Variants in ASRGL1 observed in about 807,000 individuals in gnomAD.
The protein encoded by ASRGL1 is isoaspartyl peptidase/L-asparaginase.
Under a neutral mutation model 22.4 loss-of-function variants are expected in ASRGL1, and 16 were observed. The observed-to-expected ratio is 0.71, with a 90% CI of 0.48 to 1.08. The LOEUF (loss-of-function observed/expected upper bound fraction) is 1.08, where lower values mean the gene tolerates loss of function less well. ASRGL1 is among the 50% of genes least tolerant of loss of function. ASRGL1 has a pLI of 0.00. For missense variants in ASRGL1, 412 were observed against 410.1 expected (o/e 1.00, Z -0.04); for synonymous variants, 165 against 159.3 (o/e 1.04, Z -0.27).
intron 3 of ASRGL1, 29 bp downstream of exon 3, chr11:62,356,496 A>G (rs369206964): frequency 5.0e-6 from 8 of 1,610,550 alleles, no homozygotes; most frequent in African/African-American, 1.3e-5. Context: ...GCCTTTTCCT[A>G]ATGAATTGTT....
chr11:62,388,242 G>A (rs141187264), intron 4 of ASRGL1, among the ~76,000 whole-genome samples: 114 of 152,308 alleles, frequency 7.5e-4, no homozygotes, highest in East Asian at 7.3e-3. Context: ...AAACATCATA[G>A]GTGGCACATG....
intron 4 of ASRGL1, among the ~76,000 whole-genome samples, chr11:62,362,813 TACACACACACACACACAC>T (rs57501048): frequency 1.2e-5 from 1 of 83,876 alleles, no homozygotes; most frequent in Non-Finnish European, 2.2e-5. Flanking sequence ...TTATCTGACA[TACACACACACACACACAC>T]ACACACACAC....
At chr11:62,389,015 A>C (rs1947276768) in intron 4 of ASRGL1, 118 bp from the exon 5 acceptor site, 1 of 860,020 alleles carries the variant, frequency 1.2e-6, no homozygotes. Flanking sequence ...TGTTGGAATT[A>C]AATGGGTGCC....
the ASRGL1 span, among the ~76,000 whole-genome samples, chr11:62,399,109 A>G: frequency 6.6e-6 from 1 of 152,164 alleles, no homozygotes; most frequent in Non-Finnish European, 1.5e-5. Context: ...CCAGCTACTC[A>G]GGAGACTGAG....
At position 62,389,231 on chromosome 11, in the gene ASRGL1, T is replaced by C. The variant is rs768189188; in HGVS notation, c.590T>C (p.Val197Ala). The change falls in exon 5 of 7, where the codon GTT becomes GCT. Residue 197 changes from valine to alanine, a missense_variant. Val to Ala is a moderately conservative substitution (Grantham distance 64). Transcript: ENST00000415229. ...GGIVNKMVGR[V>A]GDSPCLGAGG... ...ATCGTTAATAAAATGGTCGGCCGCG[T>C]TGGGGACTCACCGTGTCTAGGTAGG... 9.9e-6 allele frequency: 16 copies of C among 1,613,966 alleles called. No individual in the cohort carries two copies. The highest frequency in any genetic ancestry group is 3.3e-4 in the Middle Eastern group (2 of 6,084).
At chr11:62,366,895 G>T (rs1158327874) in intron 4 of ASRGL1, among the ~76,000 whole-genome samples, 2 of 152,118 alleles carry the variant, frequency 1.3e-5, no homozygotes, top group Non-Finnish European at 2.9e-5. Context: ...CTTTTGCTAT[G>T]GTATTTTTGC....
chr11:62,359,420 T>C (rs1316633419), intron 4 of ASRGL1, among the ~76,000 whole-genome samples: 1 of 151,918 alleles, frequency 6.6e-6, no homozygotes, highest in African/African-American at 2.4e-5. Flanking sequence ...CACTCCAGCC[T>C]GGGCAACAAG....
chr11:62,400,514 C>CGCGG, the ASRGL1 span, among the ~76,000 whole-genome samples: 1 of 152,144 alleles, frequency 6.6e-6, no homozygotes, highest in Non-Finnish European at 1.5e-5. Context: ...CCAGCAGGGG[C>CGCGG]GCGGCTATTT....
In ASRGL1 at chr11:62,393,034, C is replaced by G. The variant is rs907220799; in HGVS notation, c.*750C>G. ...CACTTGGTGTTCTCCCGTGAGCCAG[C>G]CTCCACCTGCCAAAGACACTCTGGT... On this transcript the variant is annotated 3_prime_UTR_variant, in exon 7 of 7. Coordinates refer to ENST00000415229, the MANE Select transcript of ASRGL1 (RefSeq NM_001083926.2). The G allele has an allele frequency of 1.3e-5, 2 of 152,372 alleles. No individual in the cohort carries two copies. The highest frequency in any genetic ancestry group is 4.8e-5 in the African/African-American group (2 of 41,436). The allele number at this position is 152,372 out of a possible 1,614,324, so 9.4% of individuals were successfully genotyped here.
At chr11:62,344,481 T>C (rs563331977) in intron 2 of ASRGL1, among the ~76,000 whole-genome samples, 174 of 152,296 alleles carry the variant, frequency 1.1e-3, no homozygotes, top group Non-Finnish European at 2.3e-3. Context: ...AATATTTGCC[T>C]AACCCAGCAT....
chr11:62,372,566 C>A, intron 4 of ASRGL1: 1 of 898,474 alleles, frequency 1.1e-6, no homozygotes, highest in Non-Finnish European at 1.9e-6. Context: ...ATTGAGAAGA[C>A]AAAAGACAGA....
At chr11:62,377,737 A>G (rs1946965058) in intron 4 of ASRGL1, among the ~76,000 whole-genome samples, 1 of 152,108 alleles carries the variant, frequency 6.6e-6, no homozygotes, top group Non-Finnish European at 1.5e-5. Flanking sequence ...AGGAACAACT[A>G]TTTTGTCTGG....
chr11:62,349,038 G>T (rs562868634), intron 2 of ASRGL1, among the ~76,000 whole-genome samples: 14 of 151,640 alleles, frequency 9.2e-5, no homozygotes, highest in Admixed American at 9.2e-4. Flanking sequence ...GCACGATCTC[G>T]GCTCACTGCA....
intron 5 of ASRGL1, among the ~76,000 whole-genome samples, chr11:62,391,154 A>G (rs1365530523): frequency 6.6e-6 from 1 of 152,226 alleles, no homozygotes; most frequent in East Asian, 1.9e-4. Context: ...CTAGAGATCC[A>G]TATAATGCAG....
chr11:62,374,268 C>T (rs1946855197), intron 4 of ASRGL1, among the ~76,000 whole-genome samples: 1 of 152,144 alleles, frequency 6.6e-6, no homozygotes, highest in Non-Finnish European at 1.5e-5. Flanking sequence ...TGACTGCCAC[C>T]CGTGTCCCCG....
chr11:62,369,006 T>C (rs1213224803), intron 4 of ASRGL1, among the ~76,000 whole-genome samples: 2 of 152,138 alleles, frequency 1.3e-5, no homozygotes, highest in Non-Finnish European at 2.9e-5. Context: ...CCTTCCTCTT[T>C]TACTAATCCT....
the ASRGL1 span, among the ~76,000 whole-genome samples, chr11:62,398,570 T>G: frequency 2.6e-5 from 4 of 152,184 alleles, no homozygotes; most frequent in African/African-American, 9.7e-5. Context: ...CCAACTTTCT[T>G]TGCAGACACC....
At chr11:62,355,843 C>T (rs907600048) in intron 2 of ASRGL1, among the ~76,000 whole-genome samples, 3 of 152,040 alleles carry the variant, frequency 2.0e-5, no homozygotes, top group Non-Finnish European at 4.4e-5. Context: ...ATGCTGCCTT[C>T]GAGCATTTGT....
intron 2 of ASRGL1, among the ~76,000 whole-genome samples, chr11:62,339,177 A>G (rs1377381198): frequency 6.6e-6 from 1 of 152,200 alleles, no homozygotes; most frequent in African/African-American, 2.4e-5. Context: ...TTGCAGGACT[A>G]TTTCAAGATA....
Sources: gnomAD v4.1 joint callset for allele counts (sites outside exome capture counted in the v4.1 genomes callset) on GRCh38, gnomAD v4.1.1 for gene constraint, MANE v1.5 for transcripts, NCBI Gene and HGNC (gene_info 2026-07-23, HGNC 2026-07-21) for gene names.